Variants in CATSPERB observed in about 807,000 individuals in gnomAD.
The protein encoded by CATSPERB is catsper channel auxiliary subunit beta.
A neutral mutation model predicts 128.3 loss-of-function variants in CATSPERB; 93 were observed. The ratio of observed to expected loss-of-function variants is 0.72; its 90% CI spans 0.61 to 0.86. CATSPERB has a LOEUF of 0.86. Ranked by LOEUF, CATSPERB falls within the 40% of genes least tolerant of loss-of-function variation. CATSPERB has a pLI of 0.00. For synonymous variants in CATSPERB, 381 were observed against 448.8 expected (o/e 0.85, Z 1.91); for missense variants, 1,153 against 1,329.5 (o/e 0.87, Z 2.06).
intron 23 of CATSPERB, among the ~76,000 whole-genome samples, chr14:91,589,943 T>G (rs1220940143): frequency 6.6e-6 from 1 of 152,216 alleles, no homozygotes; most frequent in Non-Finnish European, 1.5e-5. Context: ...TTTTTTTGGC[T>G]AAATCATATC....
Position 91,672,988 on chromosome 14 carries a change from G to A in CATSPERB, c.1007C>T (p.Pro336Leu), listed in dbSNP as rs778767607. Residue 336 changes from proline (P) to leucine (L), a missense_variant, in exon 13 of 27, where the codon CCA becomes CTA. Pro to Leu is a moderately conservative substitution (Grantham distance 98). Transcript: ENST00000256343. ...ESSSCFYSQEPFLEWVPCLPH... is the reference protein window; with the variant it reads ...ESSSCFYSQELFLEWVPCLPH... ...TAAGCAGGGTACCCATTCAAGAAAT[G>A]GTTCCTGACTATAAAAACAAGAGCT... The A allele has an allele frequency of 4.4e-6, 7 of 1,579,996 alleles. No homozygotes were observed. In the Admixed American group the frequency reaches 6.3e-5, roughly 14 times the overall value.
At chr14:91,685,235 A>AT (rs1895353366) in intron 10 of CATSPERB, among the ~76,000 whole-genome samples, 1 of 152,096 alleles carries the variant, frequency 6.6e-6, no homozygotes, top group East Asian at 1.9e-4. Flanking sequence ...CCGCCAACGA[A>AT]TTTTTTTAAG....
In CATSPERB at chr14:91,677,592, G is replaced by A. The variant is rs566969245; in HGVS notation, c.932-3370C>T. 7.9e-5 allele frequency among the ~76,000 whole-genome samples: 12 copies of A among 152,286 alleles called. No homozygotes were observed. In the South Asian group the frequency reaches 1.0e-3, roughly 13 times the overall value. On this transcript the variant is annotated intron_variant, in intron 11 of 26. Coordinates refer to ENST00000256343, the MANE Select transcript of CATSPERB (RefSeq NM_024764.4). ...GGCAAGGCTGTGGAGAAATAGGAAC[G>A]CTTTTACACTGTTGGTGGGAATGTA...
intron 11 of CATSPERB, among the ~76,000 whole-genome samples, chr14:91,676,752 C>T (rs1895198438): frequency 6.6e-6 from 1 of 152,112 alleles, no homozygotes. Flanking sequence ...CAAAAAAGAG[C>T]CCGTATAGCC....
chr14:91,628,117 T>G (rs573137216), intron 17 of CATSPERB, among the ~76,000 whole-genome samples: 2 of 152,232 alleles, frequency 1.3e-5, no homozygotes, highest in Admixed American at 6.5e-5. Context: ...CAAATAATCT[T>G]TATGCCAAAG....
At chr14:91,634,029 C>T (rs1894324221) in intron 17 of CATSPERB, among the ~76,000 whole-genome samples, 1 of 152,086 alleles carries the variant, frequency 6.6e-6, no homozygotes, top group Non-Finnish European at 1.5e-5. Context: ...GGATGCCAAC[C>T]TCCTGTGCAG....
chr14:91,665,851 AAACT>A (rs1019434423), intron 14 of CATSPERB, among the ~76,000 whole-genome samples: 10 of 152,128 alleles, frequency 6.6e-5, no homozygotes, highest in Admixed American at 5.9e-4. Flanking sequence ...TCTCAAAAAC[AAACT>A]AACAAAAAAA....
chr14:91,667,980 C>T (rs1441792356), intron 14 of CATSPERB, among the ~76,000 whole-genome samples: 1 of 152,174 alleles, frequency 6.6e-6, no homozygotes, highest in Non-Finnish European at 1.5e-5. Flanking sequence ...AATGGAACCC[C>T]AAATGAGCTC....
chr14:91,694,327 C>T (rs1003327127), intron 7 of CATSPERB, among the ~76,000 whole-genome samples: 11 of 150,990 alleles, frequency 7.3e-5, no homozygotes, highest in African/African-American at 1.7e-4. Context: ...GCCTGTAGTC[C>T]CAGCTACTCA....
At chr14:91,624,360 T>A (rs1894113123) in intron 18 of CATSPERB, among the ~76,000 whole-genome samples, 1 of 152,250 alleles carries the variant, frequency 6.6e-6, no homozygotes, top group Non-Finnish European at 1.5e-5. Flanking sequence ...AGCATGCGCC[T>A]GCAATCCCAG....
intron 13 of CATSPERB, among the ~76,000 whole-genome samples, chr14:91,670,680 GAA>G (rs1243340329): frequency 1.4e-5 from 2 of 139,028 alleles, no homozygotes; most frequent in Non-Finnish European, 3.1e-5. Flanking sequence ...CATCTCAAAA[GAA>G]AAAAAAAAGA....
At chr14:91,719,347 A>T (rs964825029) in intron 5 of CATSPERB, 71 bp downstream of exon 5, 1 of 1,111,312 alleles carries the variant, frequency 9.0e-7, no homozygotes, top group Admixed American at 2.4e-5. Context: ...TAAGATAATA[A>T]ATTCTTTTTG....
At position 91,659,969 on chromosome 14, in the gene CATSPERB, C is replaced by A; in HGVS notation, c.1300G>T (p.Val434Phe). ...YAYGNQIWLS[V>F]DGGNTFQLIA... ...AATTGAAAGGTGTTGCCGCCATCAA[C>A]TGAAAGCCATATCTAAAGGAATAAA... The change falls in exon 15 of 27, where the codon GTT becomes TTT. Residue 434 changes from valine (V) to phenylalanine (F), a missense_variant. Transcript: ENST00000256343. 6.3e-7 allele frequency: 1 copy of A among 1,581,574 alleles called. No individual in the cohort carries two copies. The highest frequency in any genetic ancestry group is 1.7e-4 in the Middle Eastern group (1 of 5,956).
At chr14:91,596,848 C>A (rs796383211) in intron 22 of CATSPERB, among the ~76,000 whole-genome samples, 13 of 152,052 alleles carry the variant, frequency 8.5e-5, no homozygotes, top group Non-Finnish European at 1.2e-4. Flanking sequence ...ACTTAAGGAA[C>A]CTAATGTCTT....
chr14:91,705,481 T>C (rs1430361144), intron 6 of CATSPERB, among the ~76,000 whole-genome samples: 2 of 152,046 alleles, frequency 1.3e-5, no homozygotes, highest in Non-Finnish European at 2.9e-5. Context: ...GCATCTCCAA[T>C]GCAGCACAGG....
chr14:91,727,995 C>A (rs985969585), intron 2 of CATSPERB, among the ~76,000 whole-genome samples: 7 of 152,186 alleles, frequency 4.6e-5, no homozygotes, highest in African/African-American at 1.7e-4. Context: ...TAGTTAAGCC[C>A]ATTTTTTCAG....
intron 7 of CATSPERB, among the ~76,000 whole-genome samples, chr14:91,699,374 T>C (rs954695130): frequency 3.9e-5 from 6 of 152,018 alleles, no homozygotes; most frequent in Admixed American, 1.3e-4. Flanking sequence ...AAACTATCTA[T>C]AGATTCAATG....
At chr14:91,648,500 A>C (rs1160860821) in intron 15 of CATSPERB, among the ~76,000 whole-genome samples, 1 of 152,202 alleles carries the variant, frequency 6.6e-6, no homozygotes, top group Non-Finnish European at 1.5e-5. Flanking sequence ...TAACACTGTC[A>C]ATTTCAAATG....
intron 9 of CATSPERB, 29 bp from the exon 10 acceptor site, chr14:91,691,584 T>G: frequency 6.3e-7 from 1 of 1,583,106 alleles, no homozygotes; most frequent in South Asian, 1.2e-5. Flanking sequence ...CTTTAATTTT[T>G]GCTTGCATAT....
Sources: gnomAD v4.1 joint callset for allele counts (sites outside exome capture counted in the v4.1 genomes callset) on GRCh38, gnomAD v4.1.1 for gene constraint, MANE v1.5 for transcripts, NCBI Gene and HGNC (gene_info 2026-07-23, HGNC 2026-07-21) for gene names.